RIMS1: variants seen among roughly 807,000 people sequenced by gnomAD.
The protein encoded by RIMS1 is regulating synaptic membrane exocytosis protein 1.
In RIMS1, 83 loss-of-function variants were observed where a neutral mutation model predicts 214.1. The observed-to-expected ratio is 0.39, with a 90% CI of 0.32 to 0.47. RIMS1 has a LOEUF of 0.47. Ranked by LOEUF, RIMS1 falls within the 20% of genes least tolerant of loss-of-function variation. RIMS1 has a pLI of 0.99. For missense variants in RIMS1, 2,050 were observed against 2,161.8 expected (o/e 0.95, Z 1.03); for synonymous variants, 793 against 786.8 (o/e 1.01, Z -0.13).
At chr6:72,006,045 TG>T (rs1256786849) in intron 2 of RIMS1, among the ~76,000 whole-genome samples, 7 of 152,114 alleles carry the variant, frequency 4.6e-5, no homozygotes, top group African/African-American at 1.7e-4. Flanking sequence ...GTTCTGGAAG[TG>T]GGGGCTTGCT....
intron 29 of RIMS1, among the ~76,000 whole-genome samples, chr6:72,382,164 T>C (rs960519209): frequency 7.9e-5 from 12 of 152,104 alleles, no homozygotes; most frequent in Admixed American, 2.0e-4. Context: ...GGAGAATAAG[T>C]GAGAGAAAAT....
intron 19 of RIMS1, chr6:72,261,783 A>G (rs1662048346): frequency 1.0e-6 from 1 of 985,202 alleles, no homozygotes. Flanking sequence ...TGAACTTTTT[A>G]CAGTCTGAAG....
chr6:72,222,434 T>C (rs2697432), intron 6 of RIMS1, among the ~76,000 whole-genome samples: 107,120 of 151,934 alleles, frequency 0.71, 38,658 homozygotes, highest in East Asian at 0.98. Flanking sequence ...GGAAATAGAA[T>C]ATGCAAAGGG....
chr6:72,005,223 G>C (rs1182702957), intron 2 of RIMS1, among the ~76,000 whole-genome samples: 1 of 152,106 alleles, frequency 6.6e-6, no homozygotes, highest in East Asian at 1.9e-4. Flanking sequence ...CTGTTCCATT[G>C]GTCTATATCT....
chr6:72,157,189 C>T lies in RIMS1; in HGVS notation c.472-22386C>T, dbSNP rs147245822. ...TTTATACAATTCTGGAAAACCTTTT[C>T]GGGATTTATGTGTCAGGCATGTGGG... On this transcript the variant is annotated intron_variant, in intron 4 of 33. Transcript: ENST00000521978. 1.2e-3 allele frequency among the ~76,000 whole-genome samples: 167 copies of T among 140,450 alleles called. 8 individuals carry two copies. Among genetic ancestry groups the T allele is most frequent in the African/African-American group, 4.0e-3 (162 of 40,728 alleles). The allele number at this position is 140,450 out of a possible 152,430, so 92.1% of individuals were successfully genotyped here. A position where few individuals can be genotyped will look rare whatever the true frequency, so the allele number is the denominator to read the frequency against.
intron 18 of RIMS1, among the ~76,000 whole-genome samples, chr6:72,260,109 C>T (rs569684485): frequency 6.6e-6 from 1 of 152,076 alleles, no homozygotes; most frequent in Admixed American, 6.6e-5. Flanking sequence ...TTCATTTGGG[C>T]CACCATGAAT....
intron 1 of RIMS1, among the ~76,000 whole-genome samples, chr6:71,954,440 A>G (rs956358923): frequency 7.9e-5 from 12 of 152,332 alleles, no homozygotes; most frequent in African/African-American, 2.6e-4. Flanking sequence ...GAAACAATTC[A>G]TCTTGATGCA....
chr6:72,300,051 G>A (rs2094468256), intron 26 of RIMS1, among the ~76,000 whole-genome samples: 2 of 151,682 alleles, frequency 1.3e-5, no homozygotes, highest in South Asian at 2.1e-4. Context: ...AATATTTAGA[G>A]CTCCATTAGG....
intron 2 of RIMS1, among the ~76,000 whole-genome samples, chr6:72,071,199 C>T (rs1443626430): frequency 6.6e-6 from 1 of 152,088 alleles, no homozygotes; most frequent in African/African-American, 2.4e-5. Context: ...AGTTCGAGAT[C>T]AGCCTGGGCA....
At chr6:72,293,198 A>G (rs2093648100) in intron 26 of RIMS1, among the ~76,000 whole-genome samples, 1 of 151,994 alleles carries the variant, frequency 6.6e-6, no homozygotes, top group Admixed American at 6.6e-5. Flanking sequence ...TATATTTTTT[A>G]AAATACATTC....
chr6:71,986,106 A>T (rs551202152), intron 2 of RIMS1, among the ~76,000 whole-genome samples: 1 of 152,094 alleles, frequency 6.6e-6, no homozygotes, highest in Non-Finnish European at 1.5e-5. Context: ...ATACTTGGGC[A>T]TACGTATACT....
chr6:72,161,050 G>A (rs563160915), intron 4 of RIMS1, among the ~76,000 whole-genome samples: 1 of 139,336 alleles, frequency 7.2e-6, no homozygotes, highest in African/African-American at 2.5e-5. Flanking sequence ...ATTAATTATT[G>A]CCTCAATTTC....
chr6:72,128,898 C>T (rs1051375226), intron 4 of RIMS1, among the ~76,000 whole-genome samples: 1 of 152,134 alleles, frequency 6.6e-6, no homozygotes, highest in Non-Finnish European at 1.5e-5. Context: ...GTGTTAATTT[C>T]CTTTGTGAGA....
chr6:72,235,594 T>A (rs2063710222), intron 7 of RIMS1, 24 bp from the exon 8 acceptor site: 2 of 1,493,654 alleles, frequency 1.3e-6, no homozygotes, highest in African/African-American at 2.8e-5. Context: ...ATATTACTTT[T>A]TAAACTCATT....
Position 72,259,015 on chromosome 6 carries a change from G to A in RIMS1, c.2957G>A (p.Arg986Lys), listed in dbSNP as rs755633898. The change falls in exon 18 of 34, where the codon AGG becomes AAG. Residue 986 changes from arginine to lysine, a missense_variant. Physicochemically the swap from Arg to Lys is conservative, Grantham distance 26. Transcript: ENST00000521978. ...TTAGATGAAATTCATCCAACAAGAA[G>A]GTCACGTTCTCCAACCAGACACCAT... ...RSLDEIHPTR[R>K]SRSPTRHHDA... is the part of the protein sequence containing the mutation. 4.3e-6 allele frequency: 7 copies of A among 1,612,564 alleles called. No homozygotes were observed. The African/African-American group carries it at 8.0e-5, about 18-fold the overall frequency.
At chr6:72,276,144 G>A (rs551009610) in intron 23 of RIMS1, among the ~76,000 whole-genome samples, 1 of 152,312 alleles carries the variant, frequency 6.6e-6, no homozygotes, top group East Asian at 1.9e-4. Context: ...GAGCCCAGGA[G>A]GTCAAGGTTG....
At chr6:72,353,662 G>A (rs1039867707) in intron 29 of RIMS1, among the ~76,000 whole-genome samples, 1 of 152,168 alleles carries the variant, frequency 6.6e-6, no homozygotes, top group Non-Finnish European at 1.5e-5. Flanking sequence ...AAGTGGTCAC[G>A]TCACAAAGCA....
At chr6:72,210,652 A>G (rs2053645928) in intron 6 of RIMS1, among the ~76,000 whole-genome samples, 1 of 152,204 alleles carries the variant, frequency 6.6e-6, no homozygotes. Flanking sequence ...AAATTTAAGG[A>G]AGTGGTAATC....
At position 72,358,088 on chromosome 6, in the gene RIMS1, G is replaced by A. The variant is rs536158037; in HGVS notation, c.4366+24253G>A. Among the ~76,000 whole-genome samples, 5 of 126,478 alleles carry A rather than the reference G, an allele frequency of 4.0e-5. No homozygotes were observed. In the South Asian group the frequency reaches 1.2e-3, roughly 29 times the overall value. The allele number at this position is 126,478 out of a possible 152,430, so 83.0% of individuals were successfully genotyped here. ...CACCTTGTCTGTACAGCACAGTAGA[G>A]TCCCAAAACAATTACTGGATTTATA... On this transcript the variant is annotated intron_variant, in intron 29 of 33. Transcript: ENST00000521978.
Sources: gnomAD v4.1 joint callset for allele counts (sites outside exome capture counted in the v4.1 genomes callset) on GRCh38, gnomAD v4.1.1 for gene constraint, MANE v1.5 for transcripts, NCBI Gene and HGNC (gene_info 2026-07-23, HGNC 2026-07-21) for gene names.